The following CUL2 variants were observed in gnomAD, a reference collection of about 807,000 sequenced individuals.
CUL2 encodes the protein cullin-2.
Under a neutral mutation model 110.2 loss-of-function variants are expected in CUL2, and 22 were observed. That is an observed-to-expected ratio of 0.20 (90% CI 0.14 to 0.28). The LOEUF (loss-of-function observed/expected upper bound fraction) is 0.28. Ranked by LOEUF, CUL2 falls within the 10% of genes least tolerant of loss-of-function variation. The pLI is 1.00. For missense variants in CUL2, 631 were observed against 905.5 expected, an observed-to-expected ratio of 0.70 and a Z score of 3.89; for synonymous variants, 279 against 293.2, an observed-to-expected ratio of 0.95 and a Z score of 0.49.
chr10:35,029,079 A>G (rs1225393903), intron 15 of CUL2, among the ~76,000 whole-genome samples, 192 bp from the exon 16 acceptor site: 2 of 144,110 alleles, frequency 1.4e-5, no homozygotes, highest in Non-Finnish European at 3.0e-5. Context: ...TTTTTTTGAG[A>G]TGGAGTCTCA....
chr10:35,113,233 C>T (rs562076700), intron 1 of CUL2, among the ~76,000 whole-genome samples: 10 of 146,036 alleles, frequency 6.8e-5, no homozygotes, highest in African/African-American at 2.0e-4. Context: ...CGGTGGCTCA[C>T]TTCTGTAATC....
chr10:35,091,529 A>G (rs557395688), upstream of CUL2, among the ~76,000 whole-genome samples: 179 of 152,086 alleles, frequency 1.2e-3, no homozygotes, highest in African/African-American at 4.1e-3. Flanking sequence ...AGTGATTCTC[A>G]AAGTGTGGTC....
intron 1 of CUL2, among the ~76,000 whole-genome samples, chr10:35,114,063 A>T (rs2135134556): frequency 6.8e-6 from 1 of 147,876 alleles, no homozygotes; most frequent in South Asian, 2.1e-4. Flanking sequence ...GCCCGCCACC[A>T]CACCTGGCTA....
rs2087177481 is a variant in CUL2 at position 35,090,311 on chromosome 10, G to A, written c.-155C>T. 4 of 154,566 alleles carry A rather than the reference G, an allele frequency of 2.6e-5. No individual in the cohort carries two copies. The South Asian group carries it at 7.2e-4, about 28-fold the overall frequency. The allele number at this position is 154,566 out of a possible 1,614,324, so 9.6% of individuals were successfully genotyped here. A position where few individuals can be genotyped will look rare whatever the true frequency, so the allele number is the denominator to read the frequency against. Reference sequence around the variant, plus strand: ...GGCGGCTGTCAGCTCGCGTTCCCCTGCTCACAGCGCTGCCATTACTGTGCG... The same window carrying A: ...GGCGGCTGTCAGCTCGCGTTCCCCTACTCACAGCGCTGCCATTACTGTGCG... On this transcript the variant is annotated 5_prime_UTR_variant, in exon 1 of 21. Coordinates refer to ENST00000374749, the MANE Select transcript of CUL2 (RefSeq NM_003591.4).
At chr10:35,116,588 T>C (rs910214483) in intron 1 of CUL2, among the ~76,000 whole-genome samples, 3 of 152,208 alleles carry the variant, frequency 2.0e-5, no homozygotes, top group Admixed American at 6.5e-5. Context: ...GAAATTTTCC[T>C]TATTTATGAT....
chr10:35,019,711 C>T (rs1050246516), intron 17 of CUL2, among the ~76,000 whole-genome samples: 8 of 152,194 alleles, frequency 5.3e-5, no homozygotes, highest in Admixed American at 2.0e-4. Context: ...AGAACTCTCA[C>T]AATAGTTTCA....
chr10:35,014,128 T>C (rs937805717), intron 18 of CUL2, among the ~76,000 whole-genome samples: 2 of 152,226 alleles, frequency 1.3e-5, no homozygotes, highest in Non-Finnish European at 2.9e-5. Flanking sequence ...GACATTTTAA[T>C]TTTTATGAAA....
intron 1 of CUL2, among the ~76,000 whole-genome samples, chr10:35,109,840 A>G (rs527525364): frequency 6.6e-6 from 1 of 152,338 alleles, no homozygotes; most frequent in Admixed American, 6.5e-5. Flanking sequence ...GGAGGTTTTT[A>G]AGCATGAATA....
intron 1 of CUL2, chr10:35,120,010 G>C (rs991812128): frequency 6.6e-6 from 1 of 152,070 alleles, no homozygotes; most frequent in Non-Finnish European, 1.5e-5. Context: ...GCAAAAAAAC[G>C]TTTGGCCCCA....
intron 4 of CUL2, among the ~76,000 whole-genome samples, chr10:35,058,289 C>A (rs1226749300): frequency 1.3e-5 from 2 of 152,132 alleles, no homozygotes; most frequent in Non-Finnish European, 2.9e-5. Context: ...CCATCCTCTT[C>A]CTGGACGAAT....
chr10:35,042,666 C>G (rs1255111591), intron 8 of CUL2, among the ~76,000 whole-genome samples: 1 of 152,126 alleles, frequency 6.6e-6, no homozygotes, highest in Non-Finnish European at 1.5e-5. Context: ...AGCTCCTGCA[C>G]TCATGGTGAT....
intron 9 of CUL2, among the ~76,000 whole-genome samples, chr10:35,036,743 GCTT>G (rs1440600418): frequency 6.6e-6 from 1 of 151,934 alleles, no homozygotes; most frequent in African/African-American, 2.4e-5. Flanking sequence ...GGTTTTAATG[GCTT>G]TTTTTGAGAC....
intron 1 of CUL2, among the ~76,000 whole-genome samples, chr10:35,078,845 G>A (rs924049743): frequency 6.6e-6 from 1 of 152,128 alleles, no homozygotes; most frequent in African/African-American, 2.4e-5. Context: ...CTGATCAGCA[G>A]CACCAATAAA....
At chr10:35,069,660 T>C (rs1010774240) in intron 2 of CUL2, among the ~76,000 whole-genome samples, 2 of 152,130 alleles carry the variant, frequency 1.3e-5, no homozygotes, top group African/African-American at 2.4e-5. Context: ...GTAATCTATT[T>C]CAAAACCACT....
rs772548344 is a variant in CUL2, at chr10:35,031,563, A to G, written c.1227T>C (p.Asn409=). ...AGCTCGTGAGCCTGTCTTCCACTTC[A>G]TTCTCTGTCATCCCTTTCGCTGACT... ...LKKSAKGMTE[N]EVEDRLTSFI... is the part of the protein sequence containing the mutation. The change falls in exon 13 of 21, where the codon AAT becomes AAC. Residue 409 remains asparagine (N), a synonymous_variant. Coordinates refer to ENST00000374749, the MANE Select transcript of CUL2 (RefSeq NM_003591.4). The surrounding 1 kb of genome is among the most constrained non-coding windows in gnomAD (Gnocchi z 4.4). 5.6e-6 allele frequency: 9 copies of G among 1,614,114 alleles called. No homozygotes were observed. The highest frequency in any genetic ancestry group is 7.6e-6 in the Non-Finnish European group (9 of 1,179,992).
intron 4 of CUL2, among the ~76,000 whole-genome samples, chr10:35,057,467 A>G (rs989059360): frequency 2.0e-5 from 3 of 151,934 alleles, no homozygotes; most frequent in Non-Finnish European, 2.9e-5. Context: ...TCTGGCCAAC[A>G]TGGTGAAACC....
At chr10:35,051,531 T>G (rs945952868) in intron 5 of CUL2, among the ~76,000 whole-genome samples, 1 of 152,012 alleles carries the variant, frequency 6.6e-6, no homozygotes, top group Non-Finnish European at 1.5e-5. Flanking sequence ...GAGAATGGCG[T>G]GAACCGGCCG....
chr10:35,122,622 CTTATT>C lies in CUL2; in HGVS notation c.-51+3978_-51+3982del, dbSNP rs58799123. Among the ~76,000 whole-genome samples, 6 of 151,856 alleles carry C rather than the reference CTTATT, an allele frequency of 4.0e-5. No homozygotes were observed. The South Asian group carries it at 6.2e-4, about 16-fold the overall frequency. ...TTGTGAGGCAGGTAGTAATAATATC[CTTATT>C]TTATTTTATTTTATTTATTTATTTT... On this transcript the variant is annotated intron_variant, in intron 1 of 5. Transcript: ENST00000685421.
In CUL2 at chr10:35,025,029, G is replaced by C. The variant is rs1183075103; in HGVS notation, c.1684+103C>G. On this transcript the variant is annotated intron_variant, in intron 17 of 20. Coordinates refer to ENST00000374749, the MANE Select transcript of CUL2 (RefSeq NM_003591.4). ...TTAATGGGGAAAGGTTGATGGAGGA[G>C]AAAAGGTTAAAAACTGTAATTGGGC... 9.0e-6 allele frequency: 12 copies of C among 1,338,850 alleles called. No individual in the cohort carries two copies. The African/African-American group carries it at 1.4e-4, about 15-fold the overall frequency. The allele number at this position is 1,338,850 out of a possible 1,614,324, so 82.9% of individuals were successfully genotyped here. A position where few individuals can be genotyped will look rare whatever the true frequency, so the allele number is the denominator to read the frequency against.
Sources: allele counts gnomAD v4.1 joint callset (sites outside exome capture counted in the v4.1 genomes callset), GRCh38; gene constraint gnomAD v4.1.1; non-coding constraint Gnocchi (gnomAD v3.1); transcripts MANE v1.5; gene names NCBI Gene and HGNC (gene_info 2026-07-23, HGNC 2026-07-21).